The following SLC2A13 variants were observed in gnomAD, a reference collection of about 807,000 sequenced individuals.
SLC2A13 encodes solute carrier family 2 member 13.
A neutral mutation model predicts 64.4 loss-of-function variants in SLC2A13; 32 were observed. The observed-to-expected ratio is 0.50, with a 90% confidence interval of 0.37 to 0.67. The LOEUF (loss-of-function observed/expected upper bound fraction) is 0.67. Among genes scored for constraint, SLC2A13 ranks in the 30% least tolerant of loss-of-function variants. The pLI is 0.00. For missense variants in SLC2A13, 743 were observed against 829.2 expected (o/e 0.90, Z 1.28); for synonymous variants, 338 against 327.1 (o/e 1.03, Z -0.36).
intron 1 of SLC2A13, among the ~76,000 whole-genome samples, chr12:40,090,936 G>A (rs960380251): frequency 3.9e-5 from 6 of 152,144 alleles, no homozygotes; most frequent in African/African-American, 1.2e-4. Flanking sequence ...ATACAATCAT[G>A]CATTGCTTAG....
intron 3 of SLC2A13, among the ~76,000 whole-genome samples, chr12:40,005,598 A>T (rs1947401287): frequency 6.6e-6 from 1 of 152,138 alleles, no homozygotes; most frequent in African/African-American, 2.4e-5. Flanking sequence ...ACTTGCTAGA[A>T]ATGCAAATTC....
intron 4 of SLC2A13, among the ~76,000 whole-genome samples, chr12:39,926,346 T>C (rs1565545546): frequency 6.6e-6 from 1 of 152,146 alleles, no homozygotes; most frequent in Non-Finnish European, 1.5e-5. Context: ...CTCAGAAAGA[T>C]CCAAGGCATG....
rs1421766973 is a variant in SLC2A13, at chr12:40,069,505, A to G, written c.557-21295T>C. ...AAAAGTCTCCTGAACTATGGTCTCCAGTATAATAGCTGACATTTCTGTAAT... is the reference window on the plus strand; with the variant it reads ...AAAAGTCTCCTGAACTATGGTCTCCGGTATAATAGCTGACATTTCTGTAAT... On this transcript the variant is annotated intron_variant, in intron 1 of 9. Transcript: ENST00000280871. Among the ~76,000 whole-genome samples the G allele has an allele frequency of 2.2e-4, 33 of 152,162 alleles. 1 individual carries two copies. The highest frequency in any genetic ancestry group is 2.2e-3 in the Admixed American group (33 of 15,266).
Position 39,787,894 on chromosome 12 carries a change from T to C in SLC2A13, c.1446-23036A>G, listed in dbSNP as rs557325625. On this transcript the variant is annotated intron_variant, in intron 7 of 9. Transcript: ENST00000280871. ...AGCCATGAATCCATCATGTAAAGAGTGGTATTGATGAAAAGAGCAGTATTG... is the reference window on the plus strand; with the variant it reads ...AGCCATGAATCCATCATGTAAAGAGCGGTATTGATGAAAAGAGCAGTATTG... 1.1e-3 allele frequency among the ~76,000 whole-genome samples: 172 copies of C among 152,094 alleles called. 2 individuals are homozygous for C. The highest frequency in any genetic ancestry group is 3.8e-3 in the African/African-American group (158 of 41,494).
At chr12:39,779,685 C>A (rs1005360325) in intron 7 of SLC2A13, among the ~76,000 whole-genome samples, 1 of 152,124 alleles carries the variant, frequency 6.6e-6, no homozygotes, top group Non-Finnish European at 1.5e-5. Context: ...AATTTCTTGA[C>A]CTCTAAGAAA....
intron 4 of SLC2A13, among the ~76,000 whole-genome samples, chr12:39,914,207 T>G (rs1389025370): frequency 6.6e-6 from 1 of 151,956 alleles, no homozygotes; most frequent in East Asian, 1.9e-4. Flanking sequence ...CAGTAGGGCA[T>G]GATATAGAGA....
At chr12:39,792,980 T>G (rs906183050) in intron 7 of SLC2A13, among the ~76,000 whole-genome samples, 1 of 152,200 alleles carries the variant, frequency 6.6e-6, no homozygotes, top group Non-Finnish European at 1.5e-5. Context: ...TTTTCCTTTA[T>G]GCCCTGTGTT....
chr12:39,941,835 T>C (rs1052906538), intron 4 of SLC2A13, among the ~76,000 whole-genome samples: 1 of 152,210 alleles, frequency 6.6e-6, no homozygotes, highest in African/African-American at 2.4e-5. Context: ...AGAATTTTTA[T>C]AGTTTCAGGT....
chr12:39,897,990 A>T (rs1301893291), intron 4 of SLC2A13, among the ~76,000 whole-genome samples: 1 of 152,136 alleles, frequency 6.6e-6, no homozygotes, highest in Non-Finnish European at 1.5e-5. Flanking sequence ...ATAAACACTT[A>T]AGAGATGTTA....
At chr12:40,010,864 C>T (rs965660231) in intron 3 of SLC2A13, among the ~76,000 whole-genome samples, 13 of 152,136 alleles carry the variant, frequency 8.5e-5, no homozygotes, top group African/African-American at 2.4e-5. Context: ...AGTGCCAGGG[C>T]GTCCTGGAAA....
At chr12:40,063,940 C>A (rs1364838261) in intron 1 of SLC2A13, among the ~76,000 whole-genome samples, 1 of 152,026 alleles carries the variant, frequency 6.6e-6, no homozygotes, top group Admixed American at 6.6e-5. Flanking sequence ...TTATAAATAT[C>A]ATTTAAAATA....
At chr12:40,039,036 G>C (rs1420365858) in intron 2 of SLC2A13, among the ~76,000 whole-genome samples, 1 of 152,082 alleles carries the variant, frequency 6.6e-6, no homozygotes, top group Non-Finnish European at 1.5e-5. Flanking sequence ...TAAGTATACA[G>C]CTCTACAGAA....
At chr12:39,902,688 C>A (rs1011784350) in intron 4 of SLC2A13, among the ~76,000 whole-genome samples, 2 of 152,016 alleles carry the variant, frequency 1.3e-5, no homozygotes, top group African/African-American at 4.8e-5. Flanking sequence ...TGCCTTATAA[C>A]TAAAATATCC....
chr12:39,941,015 ATCTAGGTCAGT>A (rs749066687), intron 4 of SLC2A13, among the ~76,000 whole-genome samples: 42 of 152,170 alleles, frequency 2.8e-4, no homozygotes, highest in Non-Finnish European at 4.7e-4. Flanking sequence ...CTCCAATCTC[ATCTAGGTCAGT>A]GCAAATGCTG....
intron 1 of SLC2A13, among the ~76,000 whole-genome samples, chr12:40,096,732 T>C (rs146967660): frequency 2.0e-5 from 3 of 152,046 alleles, no homozygotes; most frequent in African/African-American, 4.8e-5. Flanking sequence ...ATATATACAG[T>C]ATACCCTATA....
chr12:39,850,492 G>A (rs1943436784), intron 6 of SLC2A13, among the ~76,000 whole-genome samples: 1 of 152,028 alleles, frequency 6.6e-6, no homozygotes, highest in South Asian at 2.1e-4. Flanking sequence ...AGGATGCTTA[G>A]GTTTCTGAAT....
intron 2 of SLC2A13, among the ~76,000 whole-genome samples, chr12:40,032,015 G>C (rs916282906): frequency 1.3e-5 from 2 of 152,098 alleles, no homozygotes; most frequent in Non-Finnish European, 2.9e-5. Flanking sequence ...TCTAAATTAA[G>C]TCAGGGTTTC....
chr12:40,091,973 A>G (rs905264199), intron 1 of SLC2A13, among the ~76,000 whole-genome samples: 19 of 152,150 alleles, frequency 1.2e-4, no homozygotes, highest in African/African-American at 4.6e-4. Context: ...TTTTTGTGAA[A>G]CCTGACTTGC....
At chr12:40,038,923 T>C (rs1371163079) in intron 2 of SLC2A13, among the ~76,000 whole-genome samples, 1 of 134,546 alleles carries the variant, frequency 7.4e-6, no homozygotes, top group African/African-American at 2.9e-5. Context: ...AGTTGTTCTA[T>C]CGTTGTTAAA....
Sources: allele counts gnomAD v4.1 joint callset (sites outside exome capture counted in the v4.1 genomes callset), GRCh38; gene constraint gnomAD v4.1.1; transcripts MANE v1.5; gene names NCBI Gene and HGNC (gene_info 2026-07-23, HGNC 2026-07-21).